The following COL4A1 variants were observed in gnomAD, a reference collection of about 807,000 sequenced individuals.
The protein encoded by COL4A1 is collagen alpha-1(IV) chain.
A neutral mutation model predicts 216.6 loss-of-function variants in COL4A1; 40 were observed. The ratio of observed to expected loss-of-function variants is 0.18; its 90% CI spans 0.14 to 0.24. The LOEUF is 0.24. Among genes scored for constraint, COL4A1 ranks in the 10% least tolerant of loss-of-function variants. The pLI is 1.00. For missense variants in COL4A1, 1,628 were observed against 2,196.8 expected (o/e 0.74, Z 5.18); for synonymous variants, 839 against 810.7 (o/e 1.03, Z -0.59).
Position 110,183,289 on chromosome 13 carries a change from A to T in COL4A1, c.1898-13T>A. The T allele has an allele frequency of 6.2e-7, 1 of 1,610,184 alleles. No individual in the cohort carries two copies. Among genetic ancestry groups the T allele is most frequent in the Non-Finnish European group, 8.5e-7 (1 of 1,178,106 alleles). ...TCACCCTTTGGACCTAGAGGAAAAAAAGAGCAAAGACAAACGATGAAGGAA... is the reference window on the plus strand; with the variant it reads ...TCACCCTTTGGACCTAGAGGAAAAATAGAGCAAAGACAAACGATGAAGGAA... On this transcript the variant is annotated splice_polypyrimidine_tract_variant and intron_variant, in intron 26 of 51. Coordinates refer to ENST00000375820, the MANE Select transcript of COL4A1 (RefSeq NM_001845.6).
At chr13:110,226,658 A>G (rs1305600181) in intron 2 of COL4A1, among the ~76,000 whole-genome samples, 1 of 152,252 alleles carries the variant, frequency 6.6e-6, no homozygotes, top group African/African-American at 2.4e-5. Context: ...AAAACCCACT[A>G]TTAGCCTAAC....
intron 1 of COL4A1, among the ~76,000 whole-genome samples, chr13:110,248,118 A>G (rs1594086941): frequency 6.6e-6 from 1 of 152,278 alleles, no homozygotes; most frequent in African/African-American, 2.4e-5. Context: ...TATGCTGTGC[A>G]AAAATGTCAA....
At chr13:110,198,359 T>A in intron 21 of COL4A1, 108 bp downstream of exon 21, 1 of 1,211,556 alleles carries the variant, frequency 8.3e-7, no homozygotes. Flanking sequence ...TCCACGCCTT[T>A]CTATTACACT....
At chr13:110,257,595 G>A (rs1029795851) in intron 1 of COL4A1, among the ~76,000 whole-genome samples, 1 of 152,210 alleles carries the variant, frequency 6.6e-6, no homozygotes. Flanking sequence ...CAGTGGCAGA[G>A]GGTGCCAAGA....
intron 1 of COL4A1, among the ~76,000 whole-genome samples, chr13:110,290,050 C>T (rs538883816): frequency 9.8e-5 from 15 of 152,336 alleles, no homozygotes; most frequent in African/African-American, 3.4e-4. Flanking sequence ...ACAGCACCCT[C>T]GCAGGGGCGT....
At chr13:110,154,179 A>G (rs757651956) in intron 50 of COL4A1, among the ~76,000 whole-genome samples, 3 of 152,220 alleles carry the variant, frequency 2.0e-5, no homozygotes, top group Non-Finnish European at 2.9e-5. Flanking sequence ...GATGGTGCAG[A>G]TGTATGTGTA....
intron 2 of COL4A1, among the ~76,000 whole-genome samples, chr13:110,231,079 G>T (rs1412733505): frequency 1.3e-5 from 2 of 152,216 alleles, no homozygotes; most frequent in Non-Finnish European, 2.9e-5. Flanking sequence ...CCAAAGCCCT[G>T]ACTCAGAAAA....
At position 110,187,279 on chromosome 13, in the gene COL4A1, C is replaced by T. The variant is rs1878445699; in HGVS notation, c.1587G>A (p.Glu529=). Reference sequence around the variant, plus strand: ...GCAAGTCGAAATAAAACTCACCAGGCTCCCCCTTGGCTCCTGGCTGGCCTA... The same window carrying T: ...GCAAGTCGAAATAAAACTCACCAGGTTCCCCCTTGGCTCCTGGCTGGCCTA... ...GLIGQPGAKG[E]PGEFYFDLRL... is the part of the protein sequence containing the mutation. The change falls in exon 25 of 52, where the codon GAG becomes GAA. Residue 529 remains glutamate, a synonymous_variant. Coordinates refer to ENST00000375820, the MANE Select transcript of COL4A1 (RefSeq NM_001845.6). 1.2e-6 allele frequency: 2 copies of T among 1,613,408 alleles called. No individual in the cohort carries two copies. The highest frequency in any genetic ancestry group is 1.7e-6 in the Non-Finnish European group (2 of 1,179,900).
At position 110,285,027 on chromosome 13, in the gene COL4A1, A is replaced by G. The variant is rs543601883; in HGVS notation, c.84+21917T>C. 2.0e-5 allele frequency among the ~76,000 whole-genome samples: 3 copies of G among 152,368 alleles called. No homozygotes were observed. In the South Asian group the frequency reaches 6.2e-4, roughly 32 times the overall value. ...TTTCTGTAGCGAGGCACATGCCCTCAGCAGCACAGGGGATGGCCGTCAGTC... is the reference window on the plus strand; with the variant it reads ...TTTCTGTAGCGAGGCACATGCCCTCGGCAGCACAGGGGATGGCCGTCAGTC... On this transcript the variant is annotated intron_variant, in intron 1 of 51. Transcript: ENST00000375820.
Position 110,222,771 on chromosome 13 carries a change from T to TAAAAAAAAAAAAAA in COL4A1, c.145-8757_145-8756insTTTTTTTTTTTTTT, listed in dbSNP as rs751501177. Among the ~76,000 whole-genome samples the TAAAAAAAAAAAAAA allele has an allele frequency of 9.0e-4, 84 of 93,396 alleles. 14 individuals carry two copies. Among genetic ancestry groups the TAAAAAAAAAAAAAA allele is most frequent in the East Asian group, 3.4e-3 (10 of 2,938 alleles). 61.3% of individuals were successfully genotyped at this position (93,396 alleles called of 152,430 possible). A position where few individuals can be genotyped will look rare whatever the true frequency, so the allele number is the denominator to read the frequency against. ...CTGGGCGACAGAGCCAGACTCTGCT[T>TAAAAAAAAAAAAAA]TAAAAAAAAAAAAAAAAAAAAAAAA... On this transcript the variant is annotated intron_variant, in intron 2 of 51. Transcript: ENST00000375820.
chr13:110,175,364 A>G lies in COL4A1; in HGVS notation c.3059-7T>C, dbSNP rs758094807. 3 of 1,614,034 alleles carry G rather than the reference A, an allele frequency of 1.9e-6. No individual in the cohort carries two copies. The East Asian group carries it at 6.7e-5, about 36-fold the overall frequency. On this transcript the variant is annotated splice_polypyrimidine_tract_variant and splice_region_variant and intron_variant, in intron 36 of 51. Coordinates refer to ENST00000375820, the MANE Select transcript of COL4A1 (RefSeq NM_001845.6). ...CCTTTCTCTCCAGGTGTTCCTATAA[A>G]CACAAACAATTGAAACTTGATTTGG...
rs777444726 is a variant in COL4A1 at position 110,205,519 on chromosome 13, C to A, written c.878G>T (p.Gly293Val). Reference protein sequence around the residue: ...PGPRGKPGKDGDKGEKGSPGF... With the variant: ...PGPRGKPGKDVDKGEKGSPGF... Reference sequence around the variant, plus strand: ...GGGACTCCCTTTTTCCCCTTTGTCACCATCTTTTCCGGGTTTGCCCTGTAG... The same window carrying A: ...GGGACTCCCTTTTTCCCCTTTGTCAACATCTTTTCCGGGTTTGCCCTGTAG... The change falls in exon 16 of 52, where the codon GGT becomes GTT. Residue 293 changes from glycine to valine, a missense_variant. By Grantham distance (109) the Gly-to-Val change is moderately radical. Coordinates refer to ENST00000375820, the MANE Select transcript of COL4A1 (RefSeq NM_001845.6). 6 of 1,613,920 alleles carry A rather than the reference C, an allele frequency of 3.7e-6. No individual in the cohort carries two copies.
intron 1 of COL4A1, among the ~76,000 whole-genome samples, chr13:110,272,768 C>T (rs1012467882): frequency 9.8e-5 from 15 of 152,310 alleles, no homozygotes; most frequent in South Asian, 2.1e-4. Flanking sequence ...AGTTGCTTTT[C>T]GCTACACCCT....
At chr13:110,203,212 CA>C (rs909999144) in intron 18 of COL4A1, among the ~76,000 whole-genome samples, 74 of 140,266 alleles carry the variant, frequency 5.3e-4, no homozygotes, top group South Asian at 6.8e-4. Flanking sequence ...GACTCCATTT[CA>C]AAAAAAAAAA....
In COL4A1 at chr13:110,207,632, C is replaced by T. The variant is rs990345489; in HGVS notation, c.694-143G>A. ...TCTATTCTGTTCTAATCATCCTTGC[C>T]TCTGCAGAAAATCAAATTTCAATAG... On this transcript the variant is annotated intron_variant, in intron 12 of 51. Transcript: ENST00000375820. This position sits in a 1 kb window ranked among gnomAD's most constrained non-coding sequence, Gnocchi z 4.4. The T allele has an allele frequency of 4.4e-6, 3 of 674,972 alleles. No homozygotes were observed. In the African/African-American group the frequency reaches 5.4e-5, roughly 12 times the overall value. 41.8% of individuals were successfully genotyped at this position (674,972 alleles called of 1,614,324 possible). A position where few individuals can be genotyped will look rare whatever the true frequency, so the allele number is the denominator to read the frequency against.
At chr13:110,189,939 A>G (rs895442321) in intron 24 of COL4A1, among the ~76,000 whole-genome samples, 1 of 152,180 alleles carries the variant, frequency 6.6e-6, no homozygotes, top group African/African-American at 2.4e-5. Context: ...GGAAGTATAC[A>G]CTGAACTGGC....
chr13:110,198,702 C>A, intron 20 of COL4A1, 71 bp from the exon 21 acceptor site: 2 of 1,591,800 alleles, frequency 1.3e-6, no homozygotes, highest in Non-Finnish European at 8.6e-7. Flanking sequence ...ACTCATTCTC[C>A]TAACTCTGTT....
At chr13:110,266,627 G>C (rs11842143) in intron 1 of COL4A1, among the ~76,000 whole-genome samples, 49,477 of 152,088 alleles carry the variant, frequency 0.33, 8,277 homozygotes, top group Non-Finnish European at 0.35. Context: ...GGCACAGTGA[G>C]CGTGCACTGG....
chr13:110,291,878 GAC>G (rs1884103461), intron 1 of COL4A1, among the ~76,000 whole-genome samples: 2 of 152,116 alleles, frequency 1.3e-5, no homozygotes, highest in Admixed American at 6.5e-5. Flanking sequence ...TCAATCAAGA[GAC>G]ACACTTACTG....
Sources: gnomAD v4.1 joint callset for allele counts (sites outside exome capture counted in the v4.1 genomes callset) on GRCh38, gnomAD v4.1.1 for gene constraint, Gnocchi (gnomAD v3.1) non-coding constraint, MANE v1.5 for transcripts, NCBI Gene and HGNC (gene_info 2026-07-23, HGNC 2026-07-21) for gene names.